Variants in SRGAP3 observed in about 807,000 individuals in gnomAD.
SRGAP3 encodes the protein SLIT-ROBO Rho GTPase activating protein 3, also known as SLIT-ROBO Rho GTPase-activating protein 3.
SRGAP3 carries 39 observed loss-of-function variants against 121.1 expected under a neutral mutation model. The ratio of observed to expected loss-of-function variants is 0.32; its 90% CI spans 0.25 to 0.42. SRGAP3 has a LOEUF of 0.42. SRGAP3 is among the 10% of genes least tolerant of loss of function. SRGAP3 has a pLI of 1.00. For missense variants in SRGAP3, 1,213 were observed against 1,470.6 expected, an observed-to-expected ratio of 0.82 and a Z score of 2.86; for synonymous variants, 601 against 570.0, an observed-to-expected ratio of 1.05 and a Z score of -0.77.
At chr3:9,212,797 G>A (rs1412479495) in intron 1 of SRGAP3, among the ~76,000 whole-genome samples, 2 of 152,218 alleles carry the variant, frequency 1.3e-5, no homozygotes, top group African/African-American at 2.4e-5. Context: ...CTGTTCATCA[G>A]TGTAAATCCA....
chr3:9,242,468 C>T (rs911514892), intron 1 of SRGAP3, among the ~76,000 whole-genome samples: 1 of 152,214 alleles, frequency 6.6e-6, no homozygotes, highest in African/African-American at 2.4e-5. Context: ...AACTCCATCT[C>T]TACCGAAAAT....
chr3:9,257,130 T>G (rs9856278), intron 3 of SRGAP3: 8,603 of 332,896 alleles, frequency 0.026, 645 homozygotes, highest in African/African-American at 0.16. Flanking sequence ...CAACACAAAA[T>G]AATTTACACC....
intron 3 of SRGAP3, among the ~76,000 whole-genome samples, chr3:9,097,796 A>G (rs879780938): frequency 2.6e-5 from 4 of 152,162 alleles, no homozygotes; most frequent in African/African-American, 4.8e-5. Flanking sequence ...CCCACATCCA[A>G]TGACTACCCA....
At chr3:9,095,620 C>G (rs1047298900) in intron 3 of SRGAP3, among the ~76,000 whole-genome samples, 2 of 152,190 alleles carry the variant, frequency 1.3e-5, no homozygotes, top group Non-Finnish European at 2.9e-5. Context: ...GCACCACTGT[C>G]GTTTACCAAG....
chr3:9,266,936 C>G (rs1954379229), intron 3 of SRGAP3, among the ~76,000 whole-genome samples: 1 of 152,114 alleles, frequency 6.6e-6, no homozygotes, highest in African/African-American at 2.4e-5. Flanking sequence ...CCTCCTCTGT[C>G]TAATGTTGGA....
chr3:8,994,921 G>A (rs1942298242), intron 18 of SRGAP3, among the ~76,000 whole-genome samples: 1 of 151,866 alleles, frequency 6.6e-6, no homozygotes, highest in African/African-American at 2.4e-5. Context: ...AATACTTTTA[G>A]TAATTTTTAA....
intron 7 of SRGAP3, among the ~76,000 whole-genome samples, chr3:9,057,502 C>T (rs1945880905): frequency 6.6e-6 from 1 of 152,186 alleles, no homozygotes; most frequent in Admixed American, 6.5e-5. Context: ...CAGAGCCATG[C>T]AGAGGGTCTA....
intron 1 of SRGAP3, among the ~76,000 whole-genome samples, chr3:9,244,068 C>T (rs1953741488): frequency 6.6e-6 from 1 of 152,182 alleles, no homozygotes; most frequent in Non-Finnish European, 1.5e-5. Context: ...GCCCAGCCTG[C>T]TTTCTTCATT....
chr3:9,343,403 G>A (rs1293009032), intron 1 of SRGAP3, among the ~76,000 whole-genome samples: 3 of 151,954 alleles, frequency 2.0e-5, no homozygotes, highest in Admixed American at 1.3e-4. Flanking sequence ...CCTTTTTCCC[G>A]AACTACTACA....
At chr3:9,060,007 G>A (rs1221131639) in intron 6 of SRGAP3, 9 of 632,034 alleles carry the variant, frequency 1.4e-5, no homozygotes, top group Non-Finnish European at 2.4e-5. Context: ...AACTGCACTG[G>A]GGCCACCAGA....
At position 9,117,099 on chromosome 3, in the gene SRGAP3, T is replaced by C. The variant is rs114825389; in HGVS notation, c.260+7626A>G. Among the ~76,000 whole-genome samples the C allele has an allele frequency of 2.9e-3, 435 of 152,330 alleles. 4 individuals carry two copies. Among genetic ancestry groups the C allele is most frequent in the African/African-American group, 0.01 (418 of 41,572 alleles). On this transcript the variant is annotated intron_variant, in intron 2 of 21. Transcript: ENST00000383836. ...TGGAAAGTAGGACCCCAGAAAGCCA[T>C]TACTAGCTTGATACCAATCGCAGTA...
chr3:9,116,344 T>C (rs138947557), intron 2 of SRGAP3, among the ~76,000 whole-genome samples: 2 of 152,392 alleles, frequency 1.3e-5, no homozygotes, highest in African/African-American at 2.4e-5. Context: ...TGGTAGTGTC[T>C]TGGTTAATTC....
At chr3:9,070,795 T>C (rs1395832434) in intron 4 of SRGAP3, among the ~76,000 whole-genome samples, 1 of 152,236 alleles carries the variant, frequency 6.6e-6, no homozygotes, top group Non-Finnish European at 1.5e-5. Flanking sequence ...CAGTTCATTA[T>C]GTGCCAGGTA....
intron 1 of SRGAP3, among the ~76,000 whole-genome samples, chr3:9,165,932 T>C (rs1226223192): frequency 3.3e-5 from 5 of 152,208 alleles, no homozygotes; most frequent in Non-Finnish European, 7.3e-5. Flanking sequence ...CTTATATATG[T>C]GATTATCTGA....
intron 3 of SRGAP3, among the ~76,000 whole-genome samples, chr3:9,281,343 T>C (rs1954672995): frequency 6.6e-6 from 1 of 152,098 alleles, no homozygotes; most frequent in African/African-American, 2.4e-5. Flanking sequence ...ATCCCATTTG[T>C]TTTACAGATC....
chr3:9,229,252 C>A (rs1953113104), intron 1 of SRGAP3, among the ~76,000 whole-genome samples: 1 of 152,144 alleles, frequency 6.6e-6, no homozygotes, highest in African/African-American at 2.4e-5. Flanking sequence ...AAGGTTCAGT[C>A]TGGGTGGGTC....
At chr3:9,053,569 C>T (rs1945685206) in intron 8 of SRGAP3, among the ~76,000 whole-genome samples, 1 of 152,184 alleles carries the variant, frequency 6.6e-6, no homozygotes, top group South Asian at 2.1e-4. Flanking sequence ...ACAAGTTCCT[C>T]CAATGCAAGG....
Position 9,249,094 on chromosome 3 carries a change from G to A in SRGAP3, c.-143C>T. On this transcript the variant is annotated 5_prime_UTR_variant, in exon 1 of 22. Transcript: ENST00000383836. ...CTAATCTCTTTCACTTGGCTGCAGA[G>A]CAGGGAGAAAAATCCTTCTCCTTCT... 2.4e-6 allele frequency: 2 copies of A among 821,760 alleles called. No homozygotes were observed. The highest frequency in any genetic ancestry group is 4.1e-6 in the Non-Finnish European group (2 of 492,218). 50.9% of individuals were successfully genotyped at this position (821,760 alleles called of 1,614,324 possible). A position where few individuals can be genotyped will look rare whatever the true frequency, so the allele number is the denominator to read the frequency against.
chr3:9,088,642 C>A (rs371711198), intron 3 of SRGAP3, among the ~76,000 whole-genome samples: 1 of 152,178 alleles, frequency 6.6e-6, no homozygotes, highest in Admixed American at 6.6e-5. Context: ...CCCTCTCCTG[C>A]CCAATTGAGA....
Sources: gnomAD v4.1 joint callset for allele counts (sites outside exome capture counted in the v4.1 genomes callset) on GRCh38, gnomAD v4.1.1 for gene constraint, MANE v1.5 for transcripts, NCBI Gene and HGNC (gene_info 2026-07-23, HGNC 2026-07-21) for gene names.